Variants in SPOCK3 observed in about 807,000 individuals in gnomAD.
SPOCK3 encodes SPARC (osteonectin), cwcv and kazal like domains proteoglycan 3, also known as testican-3.
In SPOCK3, 30 loss-of-function variants were observed where a neutral mutation model predicts 56.6. That is an observed-to-expected ratio of 0.53 (90% CI 0.40 to 0.72). The LOEUF is 0.72. Ranked by LOEUF, SPOCK3 falls within the 30% of genes least tolerant of loss-of-function variation. The pLI is 0.00. For missense variants in SPOCK3, 527 were observed against 530.0 expected (o/e 0.99, Z 0.06); for synonymous variants, 196 against 183.3 (o/e 1.07, Z -0.56).
chr4:166,838,648 G>T (rs1056184124), intron 6 of SPOCK3, among the ~76,000 whole-genome samples: 13 of 148,084 alleles, frequency 8.8e-5, no homozygotes, highest in African/African-American at 3.2e-4. Context: ...CTTTATCATT[G>T]CTACATTAAA....
At chr4:166,959,518 CAGG>C (rs1743897972) in intron 4 of SPOCK3, among the ~76,000 whole-genome samples, 1 of 151,654 alleles carries the variant, frequency 6.6e-6, no homozygotes, top group Non-Finnish European at 1.5e-5. Context: ...GAGGCTGAGG[CAGG>C]AGAATTGTTG....
chr4:166,855,519 T>C (rs761243422), intron 6 of SPOCK3, among the ~76,000 whole-genome samples: 7 of 151,968 alleles, frequency 4.6e-5, no homozygotes, highest in Non-Finnish European at 1.0e-4. Context: ...GGTCAGCTAC[T>C]CTTTATACAC....
chr4:166,925,440 C>G (rs775359861), intron 4 of SPOCK3, among the ~76,000 whole-genome samples: 2 of 152,022 alleles, frequency 1.3e-5, no homozygotes, highest in Admixed American at 6.6e-5. Flanking sequence ...CCTGAGAATA[C>G]GCTTACTAGT....
At chr4:167,095,203 A>G (rs1200989576) in intron 2 of SPOCK3, among the ~76,000 whole-genome samples, 1 of 152,132 alleles carries the variant, frequency 6.6e-6, no homozygotes, top group Admixed American at 6.6e-5. Context: ...TGATTAACCA[A>G]ATATCTGGGA....
At chr4:166,827,901 G>A (rs1378973073) in intron 6 of SPOCK3, among the ~76,000 whole-genome samples, 2 of 150,952 alleles carry the variant, frequency 1.3e-5, no homozygotes, top group Admixed American at 6.6e-5. Flanking sequence ...GAGGACATAT[G>A]CTAAATATGC....
chr4:167,149,287 T>C (rs1561267778), intron 2 of SPOCK3, among the ~76,000 whole-genome samples: 1 of 152,142 alleles, frequency 6.6e-6, no homozygotes. Flanking sequence ...AGGCATAATC[T>C]TTGTTCTCAT....
At chr4:166,902,842 T>A (rs1303021478) in intron 5 of SPOCK3, among the ~76,000 whole-genome samples, 1 of 150,978 alleles carries the variant, frequency 6.6e-6, no homozygotes, top group African/African-American at 2.4e-5. Flanking sequence ...TTTCTGAAAT[T>A]ATGTTTGGTA....
At chr4:166,838,996 A>G (rs1304203373) in intron 6 of SPOCK3, among the ~76,000 whole-genome samples, 1 of 151,816 alleles carries the variant, frequency 6.6e-6, no homozygotes, top group Non-Finnish European at 1.5e-5. Flanking sequence ...GTTCTAACAT[A>G]TCTATCTTAT....
intron 8 of SPOCK3, among the ~76,000 whole-genome samples, chr4:166,743,648 G>T (rs1735169116): frequency 6.6e-6 from 1 of 152,206 alleles, no homozygotes; most frequent in Non-Finnish European, 1.5e-5. Context: ...GCCGAAGCAG[G>T]GCGGGACATC....
intron 3 of SPOCK3, among the ~76,000 whole-genome samples, chr4:167,009,816 T>C (rs1561115141): frequency 6.6e-6 from 1 of 152,090 alleles, no homozygotes; most frequent in Admixed American, 6.5e-5. Flanking sequence ...ATATTAAGCA[T>C]GTTTATATTA....
intron 6 of SPOCK3, among the ~76,000 whole-genome samples, chr4:166,835,921 G>A (rs1312388734): frequency 5.3e-5 from 8 of 152,050 alleles, no homozygotes; most frequent in East Asian, 1.9e-4. Context: ...CAGGAGAATC[G>A]CTTGAACCTG....
chr4:166,821,292 C>T (rs576987937), intron 6 of SPOCK3, among the ~76,000 whole-genome samples: 37 of 152,074 alleles, frequency 2.4e-4, no homozygotes, highest in African/African-American at 8.4e-4. Context: ...CAATTTGTTA[C>T]GGAGCATACA....
At chr4:167,059,289 T>C (rs1201618118) in intron 3 of SPOCK3, among the ~76,000 whole-genome samples, 3 of 151,886 alleles carry the variant, frequency 2.0e-5, no homozygotes, top group Admixed American at 2.0e-4. Flanking sequence ...TACAAAGACC[T>C]CAAACAAATT....
chr4:166,933,344 G>A (rs568121853), intron 4 of SPOCK3, among the ~76,000 whole-genome samples: 5 of 152,160 alleles, frequency 3.3e-5, no homozygotes, highest in Non-Finnish European at 7.3e-5. Flanking sequence ...TTACTTGGGA[G>A]CTATGGCATT....
intron 2 of SPOCK3, among the ~76,000 whole-genome samples, chr4:167,104,867 T>A (rs917731822): frequency 1.3e-5 from 2 of 149,040 alleles, no homozygotes; most frequent in Non-Finnish European, 3.0e-5. Flanking sequence ...AGACACACAA[T>A]TGGGCTCCAA....
At chr4:166,909,951 TC>T (rs979366437) in intron 5 of SPOCK3, among the ~76,000 whole-genome samples, 73 of 152,190 alleles carry the variant, frequency 4.8e-4, no homozygotes, top group Admixed American at 2.2e-3. Flanking sequence ...TTGTTTTTGA[TC>T]AGTAGCTAAA....
intron 2 of SPOCK3, among the ~76,000 whole-genome samples, chr4:167,213,778 G>A (rs561843254): frequency 6.7e-6 from 1 of 149,226 alleles, no homozygotes; most frequent in African/African-American, 2.6e-5. Flanking sequence ...ATGACATATG[G>A]TGAATCTTGA....
chr4:167,209,713 G>C (rs1734679795), intron 2 of SPOCK3, among the ~76,000 whole-genome samples: 1 of 152,148 alleles, frequency 6.6e-6, no homozygotes, highest in African/African-American at 2.4e-5. Flanking sequence ...GAATGCAGGA[G>C]CATGTGCTTA....
chr4:167,094,406 A>C (rs1758966167), intron 2 of SPOCK3, among the ~76,000 whole-genome samples: 2 of 152,234 alleles, frequency 1.3e-5, no homozygotes, highest in East Asian at 1.9e-4. Context: ...ACAACATATA[A>C]AATAAGTATA....
Sources: allele counts gnomAD v4.1 joint callset (sites outside exome capture counted in the v4.1 genomes callset), GRCh38; gene constraint gnomAD v4.1.1; transcripts MANE v1.5; gene names NCBI Gene and HGNC (gene_info 2026-07-23, HGNC 2026-07-21).